SNX25: variants seen among roughly 807,000 people sequenced by gnomAD.
The protein encoded by SNX25 is sorting nexin 25, also known as sorting nexin-25.
SNX25 carries 62 observed loss-of-function variants against 113.7 expected under a neutral mutation model. The ratio of observed to expected loss-of-function variants is 0.55; its 90% CI spans 0.44 to 0.67. The LOEUF is 0.67. Among genes scored for constraint, SNX25 ranks in the 30% least tolerant of loss-of-function variants. The pLI, the probability that SNX25 is intolerant of heterozygous loss-of-function variation, is 0.00. For synonymous variants in SNX25, 421 were observed against 436.2 expected (o/e 0.97, Z 0.43); for missense variants, 1,014 against 1,161.0 (o/e 0.87, Z 1.84).
chr4:185,301,576 C>CT (rs1753683340), intron 6 of SNX25, among the ~76,000 whole-genome samples: 1 of 150,996 alleles, frequency 6.6e-6, no homozygotes, highest in African/African-American at 2.4e-5. Context: ...CCTAGTCAGA[C>CT]TTTTTTATTA....
Position 185,358,159 on chromosome 4 carries a change from A to G in SNX25, c.2651+422A>G, listed in dbSNP as rs76916163. 5.9e-4 allele frequency among the ~76,000 whole-genome samples: 90 copies of G among 152,338 alleles called. No homozygotes were observed. The East Asian group carries it at 0.015, about 26-fold the overall frequency. On this transcript the variant is annotated intron_variant, in intron 16 of 18. Transcript: ENST00000652585. ...GTTTACTTAGAGGAAAATACAGACCATGTATTAAGGTTTTCACAGTTGTGT... is the reference window on the plus strand; with the variant it reads ...GTTTACTTAGAGGAAAATACAGACCGTGTATTAAGGTTTTCACAGTTGTGT...
At chr4:185,247,261 A>T in intron 1 of SNX25, 33 bp from the exon 2 acceptor site, 1 of 1,420,878 alleles carries the variant, frequency 7.0e-7, no homozygotes. Context: ...TTCATTCAGT[A>T]ATCTGCTTTG....
At position 185,334,381 on chromosome 4, in the gene SNX25, A is replaced by T. The variant is rs2095216369; in HGVS notation, c.1914+1622A>T. 6.6e-6 allele frequency among the ~76,000 whole-genome samples: 1 copy of T among 152,216 alleles called. No homozygotes were observed. Among genetic ancestry groups the T allele is most frequent in the Non-Finnish European group, 1.5e-5 (1 of 68,038 alleles). On this transcript the variant is annotated intron_variant, in intron 10 of 18. Coordinates refer to ENST00000652585, the MANE Select transcript of SNX25 (RefSeq NM_001378034.2). This position sits in a 1 kb window ranked among gnomAD's most constrained non-coding sequence, Gnocchi z 4.2. ...ATAAGAGAGCGTTAATGGTATTCTGAAAAGGAAACAAATGGCCAGGTTTCC... is the reference window on the plus strand; with the variant it reads ...ATAAGAGAGCGTTAATGGTATTCTGTAAAGGAAACAAATGGCCAGGTTTCC...
chr4:185,244,662 G>T (rs554364976), intron 1 of SNX25, among the ~76,000 whole-genome samples: 10 of 152,140 alleles, frequency 6.6e-5, no homozygotes, highest in African/African-American at 2.4e-4. Context: ...AAATGTCTTT[G>T]TCTATATATG....
At chr4:185,319,014 C>CT (rs2095097111) in intron 7 of SNX25, among the ~76,000 whole-genome samples, 1 of 151,822 alleles carries the variant, frequency 6.6e-6, no homozygotes, top group African/African-American at 2.4e-5. Flanking sequence ...CTGCCTGCTC[C>CT]TTTTTGTTTG....
intron 13 of SNX25, among the ~76,000 whole-genome samples, chr4:185,348,179 T>C (rs920106436): frequency 6.6e-6 from 1 of 152,208 alleles, no homozygotes; most frequent in Non-Finnish European, 1.5e-5. Flanking sequence ...AGTATAATTG[T>C]TAATCACACT....
downstream of SNX25, chr4:185,370,936 A>G: frequency 1.8e-6 from 2 of 1,090,320 alleles, no homozygotes; most frequent in Non-Finnish European, 2.7e-6. Flanking sequence ...TTGAGAACTA[A>G]GTTGTTTGCT....
At chr4:185,307,550 C>T (rs1012597949) in intron 6 of SNX25, among the ~76,000 whole-genome samples, 5 of 151,628 alleles carry the variant, frequency 3.3e-5, no homozygotes, top group South Asian at 2.1e-4. Flanking sequence ...TACCCCCTCA[C>T]TCCACACAGA....
chr4:185,299,830 A>G (rs1247084321), intron 6 of SNX25, among the ~76,000 whole-genome samples: 1 of 152,156 alleles, frequency 6.6e-6, no homozygotes, highest in Non-Finnish European at 1.5e-5. Flanking sequence ...GTTATCAAGC[A>G]TATTTAAGGT....
At chr4:185,310,058 A>G (rs1390323360) in intron 6 of SNX25, among the ~76,000 whole-genome samples, 1 of 152,054 alleles carries the variant, frequency 6.6e-6, no homozygotes, top group Non-Finnish European at 1.5e-5. Context: ...TGTCTGCCAT[A>G]CTCTACTCAT....
intron 5 of SNX25, among the ~76,000 whole-genome samples, chr4:185,281,756 C>T (rs1002229554): frequency 3.4e-4 from 52 of 152,170 alleles, no homozygotes; most frequent in Non-Finnish European, 5.6e-4. Flanking sequence ...TGGTTCATGC[C>T]TGAAATCCCA....
intron 7 of SNX25, among the ~76,000 whole-genome samples, chr4:185,319,513 C>CTTTTT: frequency 7.0e-6 from 1 of 142,956 alleles, no homozygotes. Context: ...AAAGTCCATT[C>CTTTTT]TTTTTTTTTT....
chr4:185,371,261 T>A (rs115957650), downstream of SNX25, among the ~76,000 whole-genome samples: 1 of 152,066 alleles, frequency 6.6e-6, no homozygotes, highest in East Asian at 1.9e-4. Flanking sequence ...GACAATTGGC[T>A]GGGCGCGGTG....
intron 5 of SNX25, among the ~76,000 whole-genome samples, chr4:185,277,733 T>TA (rs1749934416): frequency 2.8e-5 from 1 of 35,714 alleles, no homozygotes. Flanking sequence ...TTTTTTTTTT[T>TA]TTTTTTTTTT....
intron 1 of SNX25, among the ~76,000 whole-genome samples, chr4:185,234,933 C>T (rs544922982): frequency 8.2e-4 from 125 of 152,334 alleles, no homozygotes; most frequent in South Asian, 1.7e-3. Flanking sequence ...TTCATTTATT[C>T]TGGGTTTTAA....
intron 2 of SNX25, among the ~76,000 whole-genome samples, chr4:185,254,930 CT>C (rs574990907): frequency 3.0e-4 from 45 of 148,378 alleles, no homozygotes; most frequent in African/African-American, 1.1e-3. Flanking sequence ...CTGTATATTT[CT>C]TTTTTTTTTC....
At chr4:185,307,556 A>G (rs1754629500) in intron 6 of SNX25, among the ~76,000 whole-genome samples, 1 of 152,020 alleles carries the variant, frequency 6.6e-6, no homozygotes. Flanking sequence ...CTCACTCCAC[A>G]CAGACGACTT....
rs1303921565 is a variant in SNX25 at position 185,335,316 on chromosome 4, T to TCTCTCACA, written c.1914+2558_1914+2559insTCTCACAC. Reference sequence around the variant, plus strand: ...GCCTGGGCAATAGAGTGAAAAAGTCTCACACACACACACACACACACACAC... The same window carrying TCTCTCACA: ...GCCTGGGCAATAGAGTGAAAAAGTCTCTCTCACACACACACACACACACACACACACAC... On this transcript the variant is annotated intron_variant, in intron 10 of 18. Transcript: ENST00000652585. Among the ~76,000 whole-genome samples the TCTCTCACA allele has an allele frequency of 3.5e-5, 5 of 140,898 alleles. No individual in the cohort carries two copies. The East Asian group carries it at 6.4e-4, about 18-fold the overall frequency. 92.4% of individuals were successfully genotyped at this position (140,898 alleles called of 152,430 possible). A position where few individuals can be genotyped will look rare whatever the true frequency, so the allele number is the denominator to read the frequency against.
intron 10 of SNX25, 37 bp downstream of exon 10, chr4:185,332,796 A>G: frequency 6.3e-7 from 1 of 1,595,294 alleles, no homozygotes; most frequent in Non-Finnish European, 8.5e-7. Flanking sequence ...TTGAAAGTTA[A>G]CATTTGTCTA....
Sources: gnomAD v4.1 joint callset for allele counts (sites outside exome capture counted in the v4.1 genomes callset) on GRCh38, gnomAD v4.1.1 for gene constraint, Gnocchi (gnomAD v3.1) non-coding constraint, MANE v1.5 for transcripts, NCBI Gene and HGNC (gene_info 2026-07-23, HGNC 2026-07-21) for gene names.